Variants in FHIT observed in about 807,000 individuals in gnomAD.
FHIT encodes the protein bis(5'-adenosyl)-triphosphatase.
Under a neutral mutation model 17.9 loss-of-function variants are expected in FHIT, and 19 were observed. That is an observed-to-expected ratio of 1.06 (90% CI 0.74 to 1.56). The LOEUF (loss-of-function observed/expected upper bound fraction) is 1.56. Among genes scored for constraint, FHIT ranks in the 40% most tolerant of loss-of-function variants. The probability of loss-of-function intolerance (pLI) is 0.00; values close to 1 mark genes in which losing one functional copy is unlikely to be tolerated. For synonymous variants in FHIT, 81 were observed against 69.7 expected (o/e 1.16, Z -0.81); for missense variants, 248 against 189.2 (o/e 1.31, Z -1.82).
chr3:61,081,953 C>G (rs1173483827), intron 2 of FHIT, among the ~76,000 whole-genome samples: 1 of 152,070 alleles, frequency 6.6e-6, no homozygotes, highest in Non-Finnish European at 1.5e-5. Flanking sequence ...CACCTAATAC[C>G]TCTCAAATCT....
chr3:60,607,865 T>C (rs1275946009), intron 4 of FHIT, among the ~76,000 whole-genome samples: 1 of 152,154 alleles, frequency 6.6e-6, no homozygotes, highest in African/African-American at 2.4e-5. Flanking sequence ...TGGCTTGCTG[T>C]GAAAATCAGA....
chr3:60,556,533 T>G (rs1008571944), intron 4 of FHIT, among the ~76,000 whole-genome samples: 4 of 152,224 alleles, frequency 2.6e-5, no homozygotes, highest in Non-Finnish European at 5.9e-5. Context: ...TTTGCTCATT[T>G]AAACCCCAAT....
chr3:60,204,191 C>T (rs1399505909), intron 5 of FHIT, among the ~76,000 whole-genome samples: 1 of 152,076 alleles, frequency 6.6e-6, no homozygotes, highest in African/African-American at 2.4e-5. Context: ...TCATGTACTC[C>T]ATTAATATAT....
rs114405034 is a variant in FHIT at position 60,645,199 on chromosome 3, C to A, written c.-17-108220G>T. ...CCCCACGTTGGCCCTCTCCTTTGCA[C>A]AGTCCAGAACTGATCCCCAGGAAAC... On this transcript the variant is annotated intron_variant, in intron 4 of 9. Coordinates refer to ENST00000492590, the MANE Select transcript of FHIT (RefSeq NM_002012.4). 8.4e-3 allele frequency among the ~76,000 whole-genome samples: 1,284 copies of A among 152,246 alleles called. 21 individuals are homozygous for A. Among genetic ancestry groups the A allele is most frequent in the African/African-American group, 0.03 (1,230 of 41,556 alleles).
chr3:59,841,830 G>A (rs1047989172), intron 8 of FHIT, among the ~76,000 whole-genome samples: 10 of 152,122 alleles, frequency 6.6e-5, no homozygotes. Flanking sequence ...GATTAGCAGG[G>A]TCAGGGGTAT....
chr3:60,111,675 A>T lies in FHIT; in HGVS notation c.104-97523T>A, dbSNP rs576098802. Among the ~76,000 whole-genome samples, 5 of 152,324 alleles carry T rather than the reference A, an allele frequency of 3.3e-5. No individual in the cohort carries two copies. The East Asian group carries it at 5.8e-4, about 18-fold the overall frequency. On this transcript the variant is annotated intron_variant, in intron 5 of 9. Transcript: ENST00000492590. ...TTTGTCCAAAAGGAACAGACTATTGATTTACAAAGAAGCTGAAATGCTGTC... is the reference window on the plus strand; with the variant it reads ...TTTGTCCAAAAGGAACAGACTATTGTTTTACAAAGAAGCTGAAATGCTGTC...
At chr3:60,086,014 G>A (rs1443752263) in intron 5 of FHIT, among the ~76,000 whole-genome samples, 1 of 152,186 alleles carries the variant, frequency 6.6e-6, no homozygotes, top group Non-Finnish European at 1.5e-5. Context: ...TCATGATTCT[G>A]ATGGCTGGAA....
chr3:61,160,175 C>T (rs954433639), intron 2 of FHIT, among the ~76,000 whole-genome samples: 2 of 150,870 alleles, frequency 1.3e-5, no homozygotes, highest in Non-Finnish European at 2.9e-5. Context: ...TCTCCAACAC[C>T]CCCACCCCCA....
At chr3:61,039,823 A>T (rs992297846) in intron 3 of FHIT, among the ~76,000 whole-genome samples, 1 of 152,180 alleles carries the variant, frequency 6.6e-6, no homozygotes, top group Non-Finnish European at 1.5e-5. Flanking sequence ...CACATTCTGC[A>T]CACATATCCT....
chr3:60,966,554 G>A (rs1310578480), intron 3 of FHIT, among the ~76,000 whole-genome samples: 1 of 152,180 alleles, frequency 6.6e-6, no homozygotes, highest in Non-Finnish European at 1.5e-5. Context: ...TTCCTATTCA[G>A]CCATCTTGGA....
At chr3:59,980,384 G>A (rs986863026) in intron 7 of FHIT, among the ~76,000 whole-genome samples, 4 of 152,190 alleles carry the variant, frequency 2.6e-5, no homozygotes, top group Admixed American at 1.3e-4. Context: ...ATGTATCTAT[G>A]TTCTTCAAGA....
chr3:60,540,046 C>T (rs1398388447), intron 4 of FHIT, among the ~76,000 whole-genome samples: 1 of 151,978 alleles, frequency 6.6e-6, no homozygotes, highest in Non-Finnish European at 1.5e-5. Flanking sequence ...TCCTCAATCT[C>T]CCAGGAAGAG....
chr3:60,237,278 TTTTG>T (rs1474312882), intron 5 of FHIT, among the ~76,000 whole-genome samples: 2 of 150,618 alleles, frequency 1.3e-5, no homozygotes, highest in Non-Finnish European at 3.0e-5. Flanking sequence ...TTTTTTTTTT[TTTTG>T]GTTAATCTGA....
chr3:59,979,778 G>C (rs1029678584), intron 7 of FHIT, among the ~76,000 whole-genome samples: 1 of 152,096 alleles, frequency 6.6e-6, no homozygotes, highest in Admixed American at 6.6e-5. Context: ...CGTGTGACAA[G>C]AGTACATGTT....
At chr3:60,593,825 C>T (rs1344743156) in intron 4 of FHIT, among the ~76,000 whole-genome samples, 1 of 152,022 alleles carries the variant, frequency 6.6e-6, no homozygotes, top group Non-Finnish European at 1.5e-5. Flanking sequence ...TTCTCCCCTG[C>T]CACATGCTTG....
At chr3:60,029,903 G>GTGTC (rs1553655768) in intron 5 of FHIT, among the ~76,000 whole-genome samples, 2,346 of 145,896 alleles carry the variant, frequency 0.016, 62 homozygotes, top group African/African-American at 0.058. Context: ...GTGTCTGTGT[G>GTGTC]TGTGTGTGTG....
chr3:61,199,615 T>C (rs2038956638), intron 2 of FHIT, among the ~76,000 whole-genome samples: 1 of 152,074 alleles, frequency 6.6e-6, no homozygotes, highest in South Asian at 2.1e-4. Flanking sequence ...TTCTTTGCCC[T>C]CCAAATAAAC....
chr3:60,053,486 A>T (rs1701964630), intron 5 of FHIT, among the ~76,000 whole-genome samples: 1 of 151,152 alleles, frequency 6.6e-6, no homozygotes, highest in East Asian at 1.9e-4. Context: ...TTGCCTAGAC[A>T]TGTTATTGTT....
At chr3:61,095,601 C>T (rs1438197367) in intron 2 of FHIT, among the ~76,000 whole-genome samples, 1 of 152,144 alleles carries the variant, frequency 6.6e-6, no homozygotes, top group Non-Finnish European at 1.5e-5. Context: ...GCAGCACAGC[C>T]TAAAATTCTT....
Sources: gnomAD v4.1 joint callset for allele counts (sites outside exome capture counted in the v4.1 genomes callset) on GRCh38, gnomAD v4.1.1 for gene constraint, MANE v1.5 for transcripts, NCBI Gene and HGNC (gene_info 2026-07-23, HGNC 2026-07-21) for gene names.